LRCH1: variants seen among roughly 807,000 people sequenced by gnomAD.
LRCH1 encodes the protein leucine rich repeats and calponin homology domain containing 1.
Under a neutral mutation model 94.9 loss-of-function variants are expected in LRCH1, and 23 were observed. That is an observed-to-expected ratio of 0.24 (90% CI 0.17 to 0.34). The LOEUF (loss-of-function observed/expected upper bound fraction) is 0.34. Among genes scored for constraint, LRCH1 ranks in the 10% least tolerant of loss-of-function variants. LRCH1 has a pLI of 1.00. For missense variants in LRCH1, 790 were observed against 945.9 expected, an observed-to-expected ratio of 0.84 and a Z score of 2.16; for synonymous variants, 364 against 354.9, an observed-to-expected ratio of 1.03 and a Z score of -0.29.
intron 11 of LRCH1, among the ~76,000 whole-genome samples, chr13:46,702,224 A>G (rs574865014): frequency 6.6e-6 from 1 of 152,106 alleles, no homozygotes; most frequent in Non-Finnish European, 1.5e-5. Context: ...TAACTGGGCC[A>G]GGCGCGGTGG....
Position 46,743,603 on chromosome 13 carries a change from G to A in LRCH1, c.*1755G>A, listed in dbSNP as rs1873774915. ...AACACATTTTGGGTGATTATTCCAA[G>A]TTTTTATCAGCCCATTGATACATGT... On this transcript the variant is annotated 3_prime_UTR_variant, in exon 20 of 20. Coordinates refer to ENST00000389797, the MANE Select transcript of LRCH1 (RefSeq NM_001164211.2). 1.0e-6 allele frequency: 1 copy of A among 985,422 alleles called. No individual in the cohort carries two copies. Among genetic ancestry groups the A allele is most frequent in the East Asian group, 1.1e-4 (1 of 8,822 alleles). The allele number at this position is 985,422 out of a possible 1,614,324, so 61.0% of individuals were successfully genotyped here.
At chr13:46,680,753 G>A (rs1008845267) in intron 3 of LRCH1, among the ~76,000 whole-genome samples, 3 of 152,238 alleles carry the variant, frequency 2.0e-5, no homozygotes, top group African/African-American at 4.8e-5. Flanking sequence ...TTACTGCCCA[G>A]TTTGGACTTT....
At chr13:46,728,141 C>T (rs757664914) in intron 17 of LRCH1, among the ~76,000 whole-genome samples, 1 of 152,070 alleles carries the variant, frequency 6.6e-6, no homozygotes. Flanking sequence ...TGGTCTCAAA[C>T]TCCTGAGCTC....
intron 1 of LRCH1, among the ~76,000 whole-genome samples, chr13:46,626,739 TG>T (rs1289396693): frequency 6.6e-6 from 1 of 152,242 alleles, no homozygotes; most frequent in African/African-American, 2.4e-5. Flanking sequence ...GCTGAAGTTT[TG>T]TTGCTCTTCT....
chr13:46,608,053 G>T (rs1165162432), intron 1 of LRCH1, among the ~76,000 whole-genome samples: 2 of 152,194 alleles, frequency 1.3e-5, no homozygotes, highest in South Asian at 2.1e-4. Context: ...GCTGGGACCT[G>T]TGGGGGATGC....
chr13:46,702,429 G>C (rs1469290802), intron 11 of LRCH1, among the ~76,000 whole-genome samples: 1 of 152,168 alleles, frequency 6.6e-6, no homozygotes, highest in Non-Finnish European at 1.5e-5. Flanking sequence ...TTGAGCCCAG[G>C]AGACAGAGGT....
chr13:46,592,238 C>T (rs573852412), intron 1 of LRCH1, among the ~76,000 whole-genome samples: 1 of 152,260 alleles, frequency 6.6e-6, no homozygotes, highest in Middle Eastern at 3.4e-3. Context: ...CAGGAGTATT[C>T]CTGAGTCAGA....
intron 8 of LRCH1, among the ~76,000 whole-genome samples, chr13:46,693,085 C>T (rs1870993001): frequency 6.6e-6 from 1 of 151,672 alleles, no homozygotes; most frequent in Non-Finnish European, 1.5e-5. Context: ...GGTTCTCCTG[C>T]CTCAGCCTCC....
At position 46,741,810 on chromosome 13, in the gene LRCH1, G is replaced by T. The variant is rs147495779; in HGVS notation, c.2254G>T (p.Val752Phe). ...CLVHILFIVLVYITYHWNALS... is the reference protein window; with the variant it reads ...CLVHILFIVLFYITYHWNALS... ...TGTCCATATTCTCTTTATAGTGCTGGTCTATATCACTTACCACTGGAATGC... is the reference window on the plus strand; with the variant it reads ...TGTCCATATTCTCTTTATAGTGCTGTTCTATATCACTTACCACTGGAATGC... Residue 752 changes from valine (V) to phenylalanine (F), a missense_variant, in exon 20 of 20, where the codon GTC becomes TTC. Val to Phe is a conservative substitution (Grantham distance 50). Transcript: ENST00000389797. 6.2e-7 allele frequency: 1 copy of T among 1,614,138 alleles called. No homozygotes were observed. The highest frequency in any genetic ancestry group is 1.1e-5 in the South Asian group (1 of 91,080).
intron 1 of LRCH1, among the ~76,000 whole-genome samples, chr13:46,609,326 G>C (rs1475674073): frequency 1.3e-5 from 2 of 152,206 alleles, no homozygotes; most frequent in African/African-American, 4.8e-5. Context: ...TTCTTAGGGA[G>C]TGACAGTTCC....
chr13:46,750,468 A>G, intron 18 of LRCH1: 1 of 1,093,364 alleles, frequency 9.1e-7, no homozygotes, highest in African/African-American at 1.6e-5. Context: ...TGATGTCATC[A>G]ACGATGTAGC....
At chr13:46,584,135 T>C (rs1423045070) in intron 1 of LRCH1, among the ~76,000 whole-genome samples, 1 of 152,188 alleles carries the variant, frequency 6.6e-6, no homozygotes, top group Non-Finnish European at 1.5e-5. Flanking sequence ...AGACATAGGA[T>C]AATTATGACA....
intron 15 of LRCH1, among the ~76,000 whole-genome samples, chr13:46,715,142 A>G (rs1203356967): frequency 3.3e-5 from 5 of 152,114 alleles, no homozygotes; most frequent in Admixed American, 1.3e-4. Context: ...TATGTCACCA[A>G]TTTTTTTGTG....
exon 19 of LRCH1, chr13:46,750,918 C>G (rs977547838): frequency 7.1e-6 from 2 of 283,420 alleles, no homozygotes. Context: ...CTTTTCCACC[C>G]TCCTTCATCC....
chr13:46,579,411 C>T (rs1404005570), intron 1 of LRCH1, among the ~76,000 whole-genome samples: 1 of 151,302 alleles, frequency 6.6e-6, no homozygotes, highest in Non-Finnish European at 1.5e-5. Flanking sequence ...ATTATTGTGT[C>T]TTTTTGCCTA....
chr13:46,614,734 C>T (rs2050785993), intron 1 of LRCH1, among the ~76,000 whole-genome samples: 1 of 152,024 alleles, frequency 6.6e-6, no homozygotes, highest in Non-Finnish European at 1.5e-5. Context: ...TGCCGGGGAG[C>T]GCCAGACTCA....
At chr13:46,696,519 C>G (rs1359557441) in intron 9 of LRCH1, among the ~76,000 whole-genome samples, 2 of 152,252 alleles carry the variant, frequency 1.3e-5, no homozygotes, top group African/African-American at 4.8e-5. Flanking sequence ...TTCAGGAAAG[C>G]AAATTTCCCT....
chr13:46,560,909 A>C (rs189754165), intron 1 of LRCH1, among the ~76,000 whole-genome samples: 6 of 152,356 alleles, frequency 3.9e-5, no homozygotes, highest in African/African-American at 1.4e-4. Context: ...CCTCCCATAA[A>C]GTAATTCAAA....
chr13:46,701,546 TA>T (rs541055404), intron 11 of LRCH1, among the ~76,000 whole-genome samples: 1 of 152,150 alleles, frequency 6.6e-6, no homozygotes, highest in Non-Finnish European at 1.5e-5. Context: ...CCCTGATTTA[TA>T]AAAAATATAA....
Sources: allele counts gnomAD v4.1 joint callset (sites outside exome capture counted in the v4.1 genomes callset), GRCh38; gene constraint gnomAD v4.1.1; transcripts MANE v1.5; gene names NCBI Gene and HGNC (gene_info 2026-07-23, HGNC 2026-07-21).